SH3RF3: variants seen among roughly 807,000 people sequenced by gnomAD.
SH3RF3 encodes the protein SH3 domain containing ring finger 3, also known as E3 ubiquitin-protein ligase SH3RF3.
A neutral mutation model predicts 66.3 loss-of-function variants in SH3RF3; 29 were observed. The observed-to-expected ratio is 0.44, with a 90% CI of 0.33 to 0.60. The LOEUF is 0.60. Among genes scored for constraint, SH3RF3 ranks in the 20% least tolerant of loss-of-function variants. SH3RF3 has a pLI of 0.04. For synonymous variants in SH3RF3, 583 were observed against 532.0 expected, an observed-to-expected ratio of 1.10 and a Z score of -1.32; for missense variants, 1,194 against 1,190.9, an observed-to-expected ratio of 1.00 and a Z score of -0.04.
chr2:109,245,114 A>C (rs562373081), intron 1 of SH3RF3, among the ~76,000 whole-genome samples: 47 of 152,254 alleles, frequency 3.1e-4, no homozygotes, highest in Middle Eastern at 3.4e-3. Flanking sequence ...AGCAGATAGA[A>C]TGAGAGCCCC....
intron 3 of SH3RF3, among the ~76,000 whole-genome samples, chr2:109,389,737 A>G (rs760326682): frequency 3.5e-4 from 54 of 152,184 alleles, no homozygotes; most frequent in Non-Finnish European, 2.1e-4. Flanking sequence ...TCCACTAGAT[A>G]AATACACCAA....
At chr2:109,250,247 C>T (rs17035249) in intron 1 of SH3RF3, among the ~76,000 whole-genome samples, 36,861 of 151,926 alleles carry the variant, frequency 0.24, 4,915 homozygotes, top group East Asian at 0.46. Context: ...AACCAAGTTA[C>T]GAGAATGTTT....
intron 2 of SH3RF3, among the ~76,000 whole-genome samples, chr2:109,351,682 A>G (rs1249467428): frequency 6.6e-6 from 1 of 152,192 alleles, no homozygotes; most frequent in African/African-American, 2.4e-5. Flanking sequence ...CCCGCTGATC[A>G]TGGAATCACT....
chr2:109,241,165 G>A (rs185319444), intron 1 of SH3RF3, among the ~76,000 whole-genome samples: 89 of 152,272 alleles, frequency 5.8e-4, no homozygotes, highest in Admixed American at 7.2e-4. Context: ...AGAAGAGAGC[G>A]AAATAAGTTT....
In SH3RF3 at chr2:109,236,098, C is replaced by T. The variant is rs568784113; in HGVS notation, c.573+105985C>T. 7.9e-5 allele frequency among the ~76,000 whole-genome samples: 12 copies of T among 152,128 alleles called. No homozygotes were observed. In the East Asian group the frequency reaches 2.3e-3, roughly 29 times the overall value. ...TTGACCTATTATAATATGCATGAAGCTATTCACATTTTGAACCTCTCCAAG... is the reference window on the plus strand; with the variant it reads ...TTGACCTATTATAATATGCATGAAGTTATTCACATTTTGAACCTCTCCAAG... On this transcript the variant is annotated intron_variant, in intron 1 of 9. Transcript: ENST00000309415.
chr2:109,420,665 T>C (rs146170730), intron 5 of SH3RF3, among the ~76,000 whole-genome samples: 7,195 of 152,268 alleles, frequency 0.047, 228 homozygotes, highest in Non-Finnish European at 0.073. Context: ...CAGGATGGTC[T>C]CGATCTCCTG....
intron 3 of SH3RF3, among the ~76,000 whole-genome samples, chr2:109,381,124 C>T (rs752126830): frequency 2.6e-5 from 4 of 152,168 alleles, no homozygotes; most frequent in Admixed American, 2.0e-4. Context: ...GGTCTGGATG[C>T]GACGATGGAA....
intron 4 of SH3RF3, among the ~76,000 whole-genome samples, chr2:109,410,058 C>T (rs533853484): frequency 6.6e-6 from 1 of 152,168 alleles, no homozygotes; most frequent in Non-Finnish European, 1.5e-5. Context: ...TTTAGTAATC[C>T]CAGCAGGGAA....
At chr2:109,158,989 CGCCTGTAATCCCAGCTACTTGGGAGGCT>C (rs1315167293) in intron 1 of SH3RF3, among the ~76,000 whole-genome samples, 2 of 152,172 alleles carry the variant, frequency 1.3e-5, no homozygotes, top group Admixed American at 6.5e-5. Flanking sequence ...TGGTGGCACA[CGCCTGTAATCCCAGCTACTTGGGAGGCT>C]GAGGCAGGAG....
At chr2:109,275,135 C>T (rs1218878707) in intron 1 of SH3RF3, among the ~76,000 whole-genome samples, 1 of 152,156 alleles carries the variant, frequency 6.6e-6, no homozygotes, top group Non-Finnish European at 1.5e-5. Context: ...ATTATCACCA[C>T]AGCAAGAGCC....
intron 1 of SH3RF3, among the ~76,000 whole-genome samples, chr2:109,188,494 G>C (rs532809736): frequency 6.6e-6 from 1 of 152,320 alleles, no homozygotes; most frequent in South Asian, 2.1e-4. Context: ...TTGTCCCTGG[G>C]TTTGGCTCTT....
chr2:109,407,705 A>T (rs796812368), intron 4 of SH3RF3, among the ~76,000 whole-genome samples: 11 of 151,876 alleles, frequency 7.2e-5, no homozygotes, highest in African/African-American at 2.7e-4. Flanking sequence ...TACATGCCTT[A>T]TAGGGAGGCA....
intron 4 of SH3RF3, among the ~76,000 whole-genome samples, chr2:109,405,199 C>A (rs564367300): frequency 6.6e-6 from 1 of 152,128 alleles, no homozygotes; most frequent in African/African-American, 2.4e-5. Context: ...CCTGGAGAGA[C>A]GCCTCAACTT....
At chr2:109,367,648 A>G (rs1161926564) in intron 2 of SH3RF3, among the ~76,000 whole-genome samples, 1 of 152,146 alleles carries the variant, frequency 6.6e-6, no homozygotes, top group African/African-American at 2.4e-5. Flanking sequence ...TATCATTTTT[A>G]ATGACTGAGT....
At chr2:109,189,080 C>A (rs10180227) in intron 1 of SH3RF3, among the ~76,000 whole-genome samples, 39,825 of 151,944 alleles carry the variant, frequency 0.26, 5,558 homozygotes, top group East Asian at 0.42. Context: ...ACTCACTCCC[C>A]CTGAAGCCAC....
chr2:109,437,478 C>T (rs1677436970), intron 7 of SH3RF3, among the ~76,000 whole-genome samples: 2 of 152,218 alleles, frequency 1.3e-5, no homozygotes. Flanking sequence ...TTCATTGTGG[C>T]AAGAGGGCCT....
intron 1 of SH3RF3, among the ~76,000 whole-genome samples, chr2:109,268,271 G>A (rs1487836454): frequency 2.6e-5 from 4 of 151,744 alleles, no homozygotes; most frequent in Admixed American, 2.6e-4. Flanking sequence ...AGTGAGGTGC[G>A]GCCCCTTCTC....
Position 109,242,110 on chromosome 2 carries a change from C to T in SH3RF3, c.574-105564C>T, listed in dbSNP as rs1371750233. Among the ~76,000 whole-genome samples, 3 of 134,026 alleles carry T rather than the reference C, an allele frequency of 2.2e-5. No individual in the cohort carries two copies. In the East Asian group the frequency reaches 9.2e-4, roughly 41 times the overall value. 87.9% of individuals were successfully genotyped at this position (134,026 alleles called of 152,430 possible). A position where few individuals can be genotyped will look rare whatever the true frequency, so the allele number is the denominator to read the frequency against. On this transcript the variant is annotated intron_variant, in intron 1 of 9. Transcript: ENST00000309415. ...TGCCACACAGGGTGGCTCCTCTGTT[C>T]GCCTCCTGTTTTCCCTGGTCATGGT...
At chr2:109,489,721 C>T (rs1284202000) in intron 8 of SH3RF3, among the ~76,000 whole-genome samples, 2 of 130,986 alleles carry the variant, frequency 1.5e-5, no homozygotes, top group Admixed American at 1.0e-4. Context: ...AAACAAGTGT[C>T]GGACAAGGTT....
Sources: allele counts gnomAD v4.1 joint callset (sites outside exome capture counted in the v4.1 genomes callset), GRCh38; gene constraint gnomAD v4.1.1; transcripts MANE v1.5; gene names NCBI Gene and HGNC (gene_info 2026-07-23, HGNC 2026-07-21).